Variants in PIK3CA observed in about 807,000 individuals in gnomAD.
PIK3CA encodes phosphatidylinositol-4,5-bisphosphate 3-kinase catalytic subunit alpha, also known as phosphatidylinositol 4,5-bisphosphate 3-kinase catalytic subunit alpha isoform.
Under a neutral mutation model 138.2 loss-of-function variants are expected in PIK3CA, and 27 were observed. The ratio of observed to expected loss-of-function variants is 0.20; its 90% CI spans 0.14 to 0.27. The LOEUF (loss-of-function observed/expected upper bound fraction) is 0.27. Among genes scored for constraint, PIK3CA ranks in the 10% least tolerant of loss-of-function variants. The pLI is 1.00. For synonymous variants in PIK3CA, 358 were observed against 413.2 expected (o/e 0.87, Z 1.62); for missense variants, 544 against 1,277.4 (o/e 0.43, Z 8.75).
chr3:179,211,139 C>G (rs1056761373), intron 9 of PIK3CA, among the ~76,000 whole-genome samples: 3 of 151,970 alleles, frequency 2.0e-5, no homozygotes, highest in Non-Finnish European at 4.4e-5. Context: ...TCATTTACGA[C>G]CATAAAATAT....
intron 1 of PIK3CA, among the ~76,000 whole-genome samples, chr3:179,197,061 T>C (rs1355662519): frequency 1.3e-5 from 2 of 152,072 alleles, no homozygotes; most frequent in Non-Finnish European, 1.5e-5. Context: ...TGTTTTTTGA[T>C]GGAGTCTCGC....
intron 1 of PIK3CA, among the ~76,000 whole-genome samples, chr3:179,179,488 G>T (rs1308791359): frequency 6.6e-6 from 1 of 152,178 alleles, no homozygotes; most frequent in Non-Finnish European, 1.5e-5. Flanking sequence ...TGATTGCCTG[G>T]GGGCAGAGAG....
At chr3:179,190,387 A>T (rs113782683) in intron 1 of PIK3CA, among the ~76,000 whole-genome samples, 1 of 151,466 alleles carries the variant, frequency 6.6e-6, no homozygotes, top group African/African-American at 2.4e-5. Flanking sequence ...ATGACTACAG[A>T]TAATTTTAAT....
intron 20 of PIK3CA, among the ~76,000 whole-genome samples, chr3:179,232,622 T>C: frequency 6.6e-6 from 1 of 152,152 alleles, no homozygotes; most frequent in Admixed American, 6.6e-5. Flanking sequence ...TTTTAGGATT[T>C]TTTTTTCTAA....
At chr3:179,176,721 T>G (rs1246988845) in intron 1 of PIK3CA, among the ~76,000 whole-genome samples, 2 of 152,224 alleles carry the variant, frequency 1.3e-5, no homozygotes. Flanking sequence ...ATCTTCCTAT[T>G]GATGAAGATT....
At chr3:179,158,603 C>G (rs1314814321) in intron 1 of PIK3CA, among the ~76,000 whole-genome samples, 1 of 152,022 alleles carries the variant, frequency 6.6e-6, no homozygotes, top group African/African-American at 2.4e-5. Flanking sequence ...CTGCTTGTAT[C>G]TTGTTTGTCC....
chr3:179,162,452 C>G (rs1723308497), intron 1 of PIK3CA, among the ~76,000 whole-genome samples: 2 of 152,078 alleles, frequency 1.3e-5, no homozygotes, highest in African/African-American at 2.4e-5. Flanking sequence ...CTCGAGCAGT[C>G]TGCCTACCTC....
In PIK3CA at chr3:179,201,350, C is replaced by G. The variant is rs372610277; in HGVS notation, c.623C>G (p.Thr208Ser). 6.8e-6 allele frequency: 11 copies of G among 1,612,864 alleles called. No individual in the cohort carries two copies. The highest frequency in any genetic ancestry group is 9.3e-6 in the Non-Finnish European group (11 of 1,179,210). The change falls in exon 4 of 21, where the codon ACT becomes AGT. Residue 208 changes from threonine (T) to serine (S), a missense_variant. Transcript: ENST00000263967. ...VSPNNDKQKY[T>S]LKINHDCVPE... ...CCAAATAATGACAAGCAGAAGTATA[C>G]TCTGAAAATCAACCATGACTGTGTA...
In PIK3CA at chr3:179,229,550, T is replaced by G. The variant is rs752385941; in HGVS notation, c.2666+108T>G. 7 of 701,408 alleles carry G rather than the reference T, an allele frequency of 1.0e-5. No homozygotes were observed. In the Admixed American group the frequency reaches 1.1e-4, roughly 11 times the overall value. The allele number at this position is 701,408 out of a possible 1,614,324, so 43.4% of individuals were successfully genotyped here. On this transcript the variant is annotated intron_variant, in intron 18 of 20. Coordinates refer to ENST00000263967, the MANE Select transcript of PIK3CA (RefSeq NM_006218.4). The stretch of plus-strand genomic sequence containing the variant: ...TAGAACAGAGAAAACAATTGTACTT[T>G]CTATGGAAAAAAATATGCTCAACCT...
intron 1 of PIK3CA, among the ~76,000 whole-genome samples, chr3:179,156,868 A>G (rs1467065211): frequency 6.6e-6 from 1 of 152,144 alleles, no homozygotes; most frequent in African/African-American, 2.4e-5. Context: ...TGAAAGTACT[A>G]TTGTATTTCA....
rs1725314030 is a variant in PIK3CA, at chr3:179,235,377, T to C, written c.*1013T>C. The C allele has an allele frequency of 1.1e-5, 2 of 183,394 alleles. No homozygotes were observed. Among genetic ancestry groups the C allele is most frequent in the South Asian group, 2.0e-4 (1 of 5,072 alleles). 11.4% of individuals were successfully genotyped at this position (183,394 alleles called of 1,614,324 possible). ...ACATGATCTGTCCCATAGTCATGCA[T>C]TGTTTTGCACCCCAAATTTTTTATT... On this transcript the variant is annotated 3_prime_UTR_variant, in exon 21 of 21. Transcript: ENST00000263967.
intron 1 of PIK3CA, among the ~76,000 whole-genome samples, chr3:179,170,072 G>GCA (rs1553815543): frequency 1.0e-4 from 9 of 88,186 alleles, no homozygotes; most frequent in East Asian, 8.8e-4. Context: ...GCACACGCGC[G>GCA]CGCGCACACA....
intron 1 of PIK3CA, among the ~76,000 whole-genome samples, chr3:179,164,485 T>A (rs1241125610): frequency 6.6e-6 from 1 of 152,204 alleles, no homozygotes; most frequent in Non-Finnish European, 1.5e-5. Context: ...TACAATTAGA[T>A]TTTGTTTTCA....
At position 179,220,494 on chromosome 3, in the gene PIK3CA, C is replaced by T. The variant is rs1262541157; in HGVS notation, c.2015+442C>T. 1.3e-5 allele frequency among the ~76,000 whole-genome samples: 2 copies of T among 152,080 alleles called. No homozygotes were observed. The highest frequency in any genetic ancestry group is 2.9e-5 in the Non-Finnish European group (2 of 68,004). ...TTTGTAGAATGTGATATATGTAGTACTCAAAAGTTACAGGTCATAAACCAT... is the reference window on the plus strand; with the variant it reads ...TTTGTAGAATGTGATATATGTAGTATTCAAAAGTTACAGGTCATAAACCAT... On this transcript the variant is annotated intron_variant, in intron 13 of 20. Coordinates refer to ENST00000263967, the MANE Select transcript of PIK3CA (RefSeq NM_006218.4). This position sits in a 1 kb window ranked among gnomAD's most constrained non-coding sequence, Gnocchi z 4.1.
In PIK3CA at chr3:179,196,578, T is replaced by C. The variant is rs543146750; in HGVS notation, c.-76-2172T>C. Among the ~76,000 whole-genome samples, 148 of 152,382 alleles carry C rather than the reference T, an allele frequency of 9.7e-4. 2 individuals are homozygous for C. The highest frequency in any genetic ancestry group is 7.0e-3 in the South Asian group (34 of 4,832). On this transcript the variant is annotated intron_variant, in intron 1 of 20. Transcript: ENST00000263967. ...CAACTATCAAAAAATATTTTTCTTATATTCTTCATTGTTTCCTGTTAATTT... is the reference window on the plus strand; with the variant it reads ...CAACTATCAAAAAATATTTTTCTTACATTCTTCATTGTTTCCTGTTAATTT...
In PIK3CA at chr3:179,190,216, T is replaced by G. The variant is rs143397898; in HGVS notation, c.-76-8534T>G. Among the ~76,000 whole-genome samples, 447 of 152,066 alleles carry G rather than the reference T, an allele frequency of 2.9e-3. 3 individuals carry two copies. The highest frequency in any genetic ancestry group is 0.01 in the African/African-American group (422 of 41,536). On this transcript the variant is annotated intron_variant, in intron 1 of 20. Transcript: ENST00000263967. ...GTTCAGGCCCTTGTTACATTTTCAC[T>G]AGAGTAATTTCAACAATTTAGTTTT...
chr3:179,219,324 A>G lies in PIK3CA; in HGVS notation c.1746+47A>G. 5 of 1,107,964 alleles carry G rather than the reference A, an allele frequency of 4.5e-6. No homozygotes were observed. The highest frequency in any genetic ancestry group is 6.9e-6 in the Non-Finnish European group (5 of 724,202). The allele number at this position is 1,107,964 out of a possible 1,614,324, so 68.6% of individuals were successfully genotyped here. ...CTAGATAACTGTTGTACAAATTGGT[A>G]TGTCACTTAAATTGTTTTCTCTCAG... On this transcript the variant is annotated intron_variant, in intron 11 of 20. Coordinates refer to ENST00000263967, the MANE Select transcript of PIK3CA (RefSeq NM_006218.4). This position sits in a 1 kb window ranked among gnomAD's most constrained non-coding sequence, Gnocchi z 4.2.
chr3:179,223,719 G>C (rs957794977), intron 14 of PIK3CA, among the ~76,000 whole-genome samples: 1 of 152,072 alleles, frequency 6.6e-6, no homozygotes, highest in African/African-American at 2.4e-5. Flanking sequence ...TGCTATTCTC[G>C]TAAAAGCAGC....
intron 1 of PIK3CA, among the ~76,000 whole-genome samples, chr3:179,163,358 C>T (rs530891094): frequency 1.3e-4 from 20 of 152,150 alleles, no homozygotes; most frequent in African/African-American, 3.9e-4. Flanking sequence ...ATCATTCGTT[C>T]GACTCTCAAA....
Sources: allele counts gnomAD v4.1 joint callset (sites outside exome capture counted in the v4.1 genomes callset), GRCh38; gene constraint gnomAD v4.1.1; non-coding constraint Gnocchi (gnomAD v3.1); transcripts MANE v1.5; gene names NCBI Gene and HGNC (gene_info 2026-07-23, HGNC 2026-07-21).